CTNNA3: variants seen among roughly 807,000 people sequenced by gnomAD.
The protein encoded by CTNNA3 is catenin alpha-3.
A neutral mutation model predicts 95.7 loss-of-function variants in CTNNA3; 76 were observed. That is an observed-to-expected ratio of 0.79 (90% CI 0.66 to 0.96). The LOEUF (loss-of-function observed/expected upper bound fraction) is 0.96, where lower values mean the gene tolerates loss of function less well. Ranked by LOEUF, CTNNA3 falls within the 40% of genes least tolerant of loss-of-function variation. The probability of loss-of-function intolerance (pLI) is 0.00; values close to 1 mark genes in which losing one functional copy is unlikely to be tolerated. For missense variants in CTNNA3, 1,191 were observed against 1,089.8 expected (o/e 1.09, Z -1.31); for synonymous variants, 431 against 374.4 (o/e 1.15, Z -1.74).
At chr10:66,181,861 T>TA (rs925312997) in intron 13 of CTNNA3, among the ~76,000 whole-genome samples, 16 of 152,228 alleles carry the variant, frequency 1.1e-4, no homozygotes, top group African/African-American at 3.9e-4. Context: ...AATAATATTT[T>TA]AAAAATCCCC....
intron 1 of CTNNA3, among the ~76,000 whole-genome samples, chr10:67,753,309 A>T: frequency 6.6e-6 from 1 of 152,200 alleles, no homozygotes; most frequent in East Asian, 1.9e-4. Flanking sequence ...TATAATTCAT[A>T]CAAAAATTAA....
At chr10:67,332,151 T>A (rs1331656505) in intron 5 of CTNNA3, among the ~76,000 whole-genome samples, 1 of 152,198 alleles carries the variant, frequency 6.6e-6, no homozygotes, top group Non-Finnish European at 1.5e-5. Flanking sequence ...ATATTTAAAA[T>A]TGGCTCAAAG....
At chr10:66,208,970 G>A (rs1450732775) in intron 13 of CTNNA3, among the ~76,000 whole-genome samples, 1 of 149,940 alleles carries the variant, frequency 6.7e-6, no homozygotes, top group Non-Finnish European at 1.5e-5. Flanking sequence ...CAAGTAAAAT[G>A]AGTATATATT....
At chr10:67,386,407 C>T (rs1481705606) in intron 5 of CTNNA3, among the ~76,000 whole-genome samples, 5 of 152,184 alleles carry the variant, frequency 3.3e-5, no homozygotes, top group Non-Finnish European at 7.4e-5. Flanking sequence ...CCTCCATGTC[C>T]ATCTCCTTCT....
intron 4 of CTNNA3, among the ~76,000 whole-genome samples, chr10:67,533,669 A>T (rs1439561435): frequency 6.6e-6 from 1 of 152,182 alleles, no homozygotes; most frequent in Non-Finnish European, 1.5e-5. Flanking sequence ...ATTTGGCAGT[A>T]CTTGTCCATT....
chr10:66,605,397 T>C (rs1844081999), intron 10 of CTNNA3, among the ~76,000 whole-genome samples: 1 of 152,112 alleles, frequency 6.6e-6, no homozygotes. Flanking sequence ...CAGGATATCA[T>C]CCATGAGAAC....
intron 7 of CTNNA3, among the ~76,000 whole-genome samples, chr10:67,142,457 C>T (rs1860613757): frequency 6.6e-6 from 1 of 152,042 alleles, no homozygotes; most frequent in South Asian, 2.1e-4. Flanking sequence ...TACAGGCATT[C>T]CTCAGAGATA....
At chr10:66,687,869 A>C (rs2132525006) in intron 9 of CTNNA3, among the ~76,000 whole-genome samples, 1 of 152,124 alleles carries the variant, frequency 6.6e-6, no homozygotes, top group Admixed American at 6.5e-5. Flanking sequence ...TATATTCCAT[A>C]ATTTATTGAG....
chr10:67,071,942 T>C (rs932613747), intron 7 of CTNNA3, among the ~76,000 whole-genome samples: 1 of 152,166 alleles, frequency 6.6e-6, no homozygotes, highest in Non-Finnish European at 1.5e-5. Flanking sequence ...GAATATGTGT[T>C]TGATTATTAT....
intron 10 of CTNNA3, among the ~76,000 whole-genome samples, chr10:66,570,279 G>T (rs1842829875): frequency 7.2e-6 from 1 of 138,728 alleles, no homozygotes; most frequent in Non-Finnish European, 1.5e-5. Context: ...AATATGATTT[G>T]TTTTGTTTTG....
At chr10:66,950,877 G>A (rs1298243948) in intron 7 of CTNNA3, among the ~76,000 whole-genome samples, 1 of 152,118 alleles carries the variant, frequency 6.6e-6, no homozygotes, top group Non-Finnish European at 1.5e-5. Flanking sequence ...CATTTTATAG[G>A]TAAAGAAATT....
At chr10:67,280,289 C>T (rs1839343411) in intron 5 of CTNNA3, among the ~76,000 whole-genome samples, 2 of 150,270 alleles carry the variant, frequency 1.3e-5, no homozygotes, top group Admixed American at 1.3e-4. Context: ...AGGAATGTAA[C>T]CAAAACTGGA....
chr10:66,659,544 G>A (rs2132438121), intron 9 of CTNNA3, among the ~76,000 whole-genome samples: 1 of 152,226 alleles, frequency 6.6e-6, no homozygotes, highest in African/African-American at 2.4e-5. Flanking sequence ...GAGCTGCTAT[G>A]GTCTGAATGC....
intron 5 of CTNNA3, among the ~76,000 whole-genome samples, chr10:67,253,701 T>C (rs567692392): frequency 3.0e-4 from 46 of 152,302 alleles, no homozygotes; most frequent in African/African-American, 1.0e-3. Flanking sequence ...AGATTGTAGC[T>C]GTTCCCTGCA....
chr10:67,108,976 GTAAT>G (rs1858787764), intron 7 of CTNNA3, among the ~76,000 whole-genome samples: 1 of 152,076 alleles, frequency 6.6e-6, no homozygotes, highest in Non-Finnish European at 1.5e-5. Context: ...TAAACTTAAA[GTAAT>G]TAATAAATTC....
chr10:66,677,864 G>C (rs896603456), intron 9 of CTNNA3, among the ~76,000 whole-genome samples: 7 of 151,928 alleles, frequency 4.6e-5, no homozygotes, highest in Admixed American at 3.9e-4. Flanking sequence ...TATCAACTTG[G>C]GTCATTGTAA....
intron 5 of CTNNA3, among the ~76,000 whole-genome samples, chr10:67,372,358 T>C (rs549664377): frequency 6.1e-4 from 93 of 152,336 alleles, no homozygotes; most frequent in African/African-American, 1.9e-3. Flanking sequence ...TTTATGGTTT[T>C]AGGTCTAACA....
At chr10:67,422,715 G>A (rs1282786011) in intron 5 of CTNNA3, among the ~76,000 whole-genome samples, 2 of 152,078 alleles carry the variant, frequency 1.3e-5, no homozygotes, top group Admixed American at 1.3e-4. Flanking sequence ...ATGGTAAGAT[G>A]TGCTTGCTTC....
In CTNNA3 at chr10:67,739,522, CAGAG is replaced by C. The variant is rs1354739097; in HGVS notation, c.-2+23908_-2+23911del. Among the ~76,000 whole-genome samples, 8 of 152,040 alleles carry C rather than the reference CAGAG, an allele frequency of 5.3e-5. No individual in the cohort carries two copies. The East Asian group carries it at 1.5e-3, about 29-fold the overall frequency. The stretch of plus-strand genomic sequence containing the variant: ...TTCTTATACACCAATAACAGACAAA[CAGAG>C]AGCCAAATCATGAGTGAACTCCCAT... On this transcript the variant is annotated intron_variant, in intron 1 of 17. Transcript: ENST00000684154.
Sources: gnomAD v4.1 joint callset for allele counts (sites outside exome capture counted in the v4.1 genomes callset) on GRCh38, gnomAD v4.1.1 for gene constraint, MANE v1.5 for transcripts, NCBI Gene and HGNC (gene_info 2026-07-23, HGNC 2026-07-21) for gene names.